Variants in CLASP1 observed in about 807,000 individuals in gnomAD.
CLASP1 encodes the protein cytoplasmic linker associated protein 1, also known as CLIP-associating protein 1.
Under a neutral mutation model 192.3 loss-of-function variants are expected in CLASP1, and 38 were observed. That is an observed-to-expected ratio of 0.20 (90% CI 0.15 to 0.26). The LOEUF (loss-of-function observed/expected upper bound fraction) is 0.26. Ranked by LOEUF, CLASP1 falls within the 10% of genes least tolerant of loss-of-function variation. CLASP1 has a pLI of 1.00. For synonymous variants in CLASP1, 691 were observed against 712.8 expected (o/e 0.97, Z 0.49); for missense variants, 1,433 against 1,932.5 (o/e 0.74, Z 4.85).
intron 34 of CLASP1, among the ~76,000 whole-genome samples, chr2:121,374,512 A>G (rs1342731325): frequency 6.6e-6 from 1 of 152,216 alleles, no homozygotes; most frequent in Non-Finnish European, 1.5e-5. Flanking sequence ...CAGATCCCAG[A>G]ACGGTAGATC....
At chr2:121,554,134 T>C (rs1221613280) in intron 2 of CLASP1, among the ~76,000 whole-genome samples, 2 of 151,972 alleles carry the variant, frequency 1.3e-5, no homozygotes, top group Non-Finnish European at 2.9e-5. Context: ...GAGGACCAGT[T>C]GAGCCTGGGA....
At chr2:121,350,287 C>G (rs944592386) in intron 37 of CLASP1, among the ~76,000 whole-genome samples, 2 of 152,224 alleles carry the variant, frequency 1.3e-5, no homozygotes, top group African/African-American at 4.8e-5. Flanking sequence ...GCAAGACAGG[C>G]CCATGGAAAC....
intron 7 of CLASP1, among the ~76,000 whole-genome samples, chr2:121,506,402 G>T (rs896596491): frequency 4.0e-5 from 6 of 151,534 alleles, no homozygotes; most frequent in African/African-American, 1.5e-4. Flanking sequence ...CTGAGGCGAT[G>T]ATCAAAACTA....
intron 7 of CLASP1, among the ~76,000 whole-genome samples, chr2:121,508,051 TA>T (rs146267005): frequency 0.046 from 6,767 of 146,778 alleles, 186 homozygotes; most frequent in East Asian, 0.14. Context: ...CATGAAGAAA[TA>T]AAAAAAAAAG....
chr2:121,492,693 G>C (rs1575436622), intron 8 of CLASP1, among the ~76,000 whole-genome samples: 2 of 149,042 alleles, frequency 1.3e-5, no homozygotes, highest in Middle Eastern at 3.5e-3. Flanking sequence ...AAAAAAACAA[G>C]CATTGCCAGA....
Position 121,340,955 on chromosome 2 carries a change from G to C in CLASP1, c.4531-8C>G. ...TAAGTTTAGTAGCTTCATCTGAAAA[G>C]AGAAGATGAAACTGAATTAGCAGGA... On this transcript the variant is annotated splice_region_variant and splice_polypyrimidine_tract_variant and intron_variant, in intron 39 of 39. Transcript: ENST00000263710. The C allele has an allele frequency of 6.3e-7, 1 of 1,577,846 alleles. No individual in the cohort carries two copies. The highest frequency in any genetic ancestry group is 8.7e-7 in the Non-Finnish European group (1 of 1,154,548).
chr2:121,612,835 CTGT>C (rs1436121318), intron 1 of CLASP1, among the ~76,000 whole-genome samples: 1 of 152,182 alleles, frequency 6.6e-6, no homozygotes, highest in Non-Finnish European at 1.5e-5. Context: ...TTATGAACTA[CTGT>C]TTACAATCCC....
intron 1 of CLASP1, among the ~76,000 whole-genome samples, chr2:121,617,449 G>T (rs2106062483): frequency 6.6e-6 from 1 of 152,190 alleles, no homozygotes; most frequent in East Asian, 1.9e-4. Flanking sequence ...TTAAGCCGTT[G>T]TCTACACCAG....
At chr2:121,572,112 G>T (rs2060029632) in intron 2 of CLASP1, among the ~76,000 whole-genome samples, 1 of 152,156 alleles carries the variant, frequency 6.6e-6, no homozygotes, top group Non-Finnish European at 1.5e-5. Context: ...AAAAGGCAGA[G>T]GTCTGACAGG....
chr2:121,447,476 C>A, exon 19 of CLASP1: 1 of 1,554,788 alleles, frequency 6.4e-7, no homozygotes, highest in South Asian at 1.2e-5. Flanking sequence ...GGGACCCAGT[C>A]GTTGACACAG....
At chr2:121,469,703 G>T in intron 9 of CLASP1, 105 bp downstream of exon 9, 1 of 1,081,644 alleles carries the variant, frequency 9.2e-7, no homozygotes, top group East Asian at 2.7e-5. Context: ...TGCTGCATAT[G>T]GGGACTGTAT....
chr2:121,392,745 G>A (rs2074599440), intron 30 of CLASP1, among the ~76,000 whole-genome samples: 1 of 152,140 alleles, frequency 6.6e-6, no homozygotes. Context: ...CATCAACACA[G>A]TGCATTAAGA....
intron 6 of CLASP1, among the ~76,000 whole-genome samples, chr2:121,522,002 A>G (rs1278559835): frequency 6.6e-6 from 1 of 152,226 alleles, no homozygotes; most frequent in African/African-American, 2.4e-5. Flanking sequence ...GGCAACAGCA[A>G]AAGCACATGC....
At chr2:121,642,600 C>T (rs763559594) in intron 1 of CLASP1, among the ~76,000 whole-genome samples, 49 of 151,762 alleles carry the variant, frequency 3.2e-4, no homozygotes, top group Non-Finnish European at 5.9e-4. Flanking sequence ...GGCGTGGTGG[C>T]GCACACCTGT....
intron 1 of CLASP1, among the ~76,000 whole-genome samples, chr2:121,607,059 A>G (rs2064522984): frequency 6.6e-6 from 1 of 150,738 alleles, no homozygotes; most frequent in Non-Finnish European, 1.5e-5. Context: ...CCGTCAAAAA[A>G]GGCCGGGTAC....
chr2:121,461,189 T>G (rs749660812), exon 11 of CLASP1: 1 of 1,566,216 alleles, frequency 6.4e-7, no homozygotes, highest in South Asian at 1.2e-5. Flanking sequence ...TCGGCTGGAA[T>G]AAATCTGTAA....
chr2:121,352,591 C>T (rs535475814), intron 37 of CLASP1, among the ~76,000 whole-genome samples: 2 of 152,188 alleles, frequency 1.3e-5, no homozygotes, highest in African/African-American at 4.8e-5. Flanking sequence ...TTAGTTGAAT[C>T]CTCTGGCAAA....
intron 8 of CLASP1, among the ~76,000 whole-genome samples, chr2:121,482,039 C>A (rs539711799): frequency 6.6e-6 from 1 of 152,188 alleles, no homozygotes; most frequent in African/African-American, 2.4e-5. Context: ...CACCAACCAA[C>A]CCTCGGATGT....
intron 8 of CLASP1, among the ~76,000 whole-genome samples, chr2:121,487,956 G>A (rs1452676407): frequency 1.3e-5 from 2 of 152,172 alleles, no homozygotes; most frequent in Admixed American, 6.5e-5. Context: ...GCTATTGGAA[G>A]CACTTTCAGT....
Sources: allele counts gnomAD v4.1 joint callset (sites outside exome capture counted in the v4.1 genomes callset), GRCh38; gene constraint gnomAD v4.1.1; transcripts MANE v1.5; gene names NCBI Gene and HGNC (gene_info 2026-07-23, HGNC 2026-07-21).